The following TTBK2 variants were observed in gnomAD, a reference collection of about 807,000 sequenced individuals.
TTBK2 encodes the protein tau-tubulin kinase 2.
A neutral mutation model predicts 110.8 loss-of-function variants in TTBK2; 28 were observed. That is an observed-to-expected ratio of 0.25 (90% CI 0.19 to 0.35). The LOEUF is 0.35. Ranked by LOEUF, TTBK2 falls within the 10% of genes least tolerant of loss-of-function variation. The probability of loss-of-function intolerance (pLI) is 1.00; values close to 1 mark genes in which losing one functional copy is unlikely to be tolerated. For missense variants in TTBK2, 1,369 were observed against 1,500.3 expected, an observed-to-expected ratio of 0.91 and a Z score of 1.45; for synonymous variants, 532 against 527.3, an observed-to-expected ratio of 1.01 and a Z score of -0.12.
intron 10 of TTBK2, among the ~76,000 whole-genome samples, chr15:42,788,273 C>A (rs1224155767): frequency 6.6e-6 from 1 of 152,130 alleles, no homozygotes; most frequent in Non-Finnish European, 1.5e-5. Flanking sequence ...AATACTTCTA[C>A]TTTATGGAAC....
At chr15:42,812,884 C>T (rs1426236980) in intron 7 of TTBK2, among the ~76,000 whole-genome samples, 1 of 149,146 alleles carries the variant, frequency 6.7e-6, no homozygotes, top group African/African-American at 2.5e-5. Flanking sequence ...CCAAACACAG[C>T]AGAAAAAAAT....
At chr15:42,859,555 C>G (rs1316325220) in intron 3 of TTBK2, among the ~76,000 whole-genome samples, 1 of 152,138 alleles carries the variant, frequency 6.6e-6, no homozygotes, top group African/African-American at 2.4e-5. Context: ...TATAGGCACA[C>G]TAAAAAACTG....
Position 42,752,711 on chromosome 15 carries a change from C to A in TTBK2, c.2535G>T (p.Lys845Asn), listed in dbSNP as rs369689860. Residue 845 changes from lysine (K) to asparagine (N), a missense_variant, in exon 14 of 15, where the codon AAG becomes AAT. Physicochemically the swap from Lys to Asn is moderately conservative, Grantham distance 94. This residue lies in a region of TTBK2 where 1,097 missense variants were observed against 1,114.7 expected (regional missense o/e 0.98). Transcript: ENST00000267890. Reference sequence around the variant, plus strand: ...TTTCTGAAGTTCCAACTGTCAGAAGCTTCATTATCTCATTATTTTTGTCTT... The same window carrying A: ...TTTCTGAAGTTCCAACTGTCAGAAGATTCATTATCTCATTATTTTTGTCTT... ...PNQDKNNEIM[K>N]LLTVGTSEIS... The A allele has an allele frequency of 1.9e-6, 3 of 1,613,852 alleles. No homozygotes were observed. In the African/African-American group the frequency reaches 4.0e-5, roughly 22 times the overall value.
intron 3 of TTBK2, among the ~76,000 whole-genome samples, chr15:42,869,759 T>C (rs970826222): frequency 2.0e-5 from 3 of 152,166 alleles, no homozygotes; most frequent in Admixed American, 6.5e-5. Context: ...GCTATACTTA[T>C]TAGGAATACT....
At chr15:42,851,285 A>T (rs1203101403) in intron 3 of TTBK2, among the ~76,000 whole-genome samples, 1 of 151,522 alleles carries the variant, frequency 6.6e-6, no homozygotes, top group Non-Finnish European at 1.5e-5. Flanking sequence ...AACTGAAAAT[A>T]GTTCAGGATG....
At chr15:42,798,527 C>T (rs947508255) in intron 9 of TTBK2, among the ~76,000 whole-genome samples, 1 of 152,168 alleles carries the variant, frequency 6.6e-6, no homozygotes, top group African/African-American at 2.4e-5. Flanking sequence ...AGTCATTTGA[C>T]AATGTGGCAC....
At chr15:42,898,716 A>G (rs1233480518) in intron 1 of TTBK2, among the ~76,000 whole-genome samples, 1 of 152,202 alleles carries the variant, frequency 6.6e-6, no homozygotes, top group African/African-American at 2.4e-5. Context: ...TGGGCAGTGA[A>G]AAAGTTAAAT....
At chr15:42,898,953 C>T (rs1895774988) in intron 1 of TTBK2, among the ~76,000 whole-genome samples, 1 of 152,128 alleles carries the variant, frequency 6.6e-6, no homozygotes, top group Non-Finnish European at 1.5e-5. Context: ...TGTTAAAACT[C>T]TAATAATAAA....
intron 9 of TTBK2, among the ~76,000 whole-genome samples, chr15:42,800,065 C>T (rs1463476588): frequency 6.6e-6 from 1 of 151,836 alleles, no homozygotes; most frequent in Non-Finnish European, 1.5e-5. Context: ...CACCACTGCA[C>T]TCCAGCCTGG....
At chr15:42,838,845 T>A (rs1004655114) in intron 4 of TTBK2, among the ~76,000 whole-genome samples, 8 of 152,048 alleles carry the variant, frequency 5.3e-5, no homozygotes, top group Non-Finnish European at 1.2e-4. Flanking sequence ...AACAGAGTTA[T>A]GTTACTGATG....
intron 7 of TTBK2, among the ~76,000 whole-genome samples, chr15:42,815,913 A>AATATATATATATTTAAAAATAT (rs1891935119): frequency 9.9e-6 from 1 of 100,808 alleles, no homozygotes; most frequent in Non-Finnish European, 1.7e-5. Context: ...TATATTTAAA[A>AATATATATATATTTAAAAATAT]ATATATATAT....
Position 42,775,358 on chromosome 15 carries a change from G to A in TTBK2, c.1775C>T (p.Ser592Leu). The change falls in exon 13 of 15, where the codon TCA becomes TTA. Residue 592 changes from serine to leucine, a missense_variant. Ser to Leu is a moderately radical substitution (Grantham distance 145, BLOSUM62 -2). Around this residue, in one of 4 missense-constraint regions of TTBK2, gnomAD observed 1,097 missense variants for 1,114.7 expected, o/e 0.98. Coordinates refer to ENST00000267890, the MANE Select transcript of TTBK2 (RefSeq NM_173500.4). ...TAACTGGAGCTTTTCATCTTGAGGT[G>A]ATGCCTCCAGGACTTGAAGTACTTC... ...EPEVLQVLEASPQDEKLQLGP... is the reference protein window; with the variant it reads ...EPEVLQVLEALPQDEKLQLGP... 6 of 1,614,206 alleles carry A rather than the reference G, an allele frequency of 3.7e-6. No individual in the cohort carries two copies. Among genetic ancestry groups the A allele is most frequent in the Non-Finnish European group, 5.1e-6 (6 of 1,180,038 alleles).
chr15:42,823,970 CT>C (rs1339635288), intron 6 of TTBK2, among the ~76,000 whole-genome samples: 1 of 152,114 alleles, frequency 6.6e-6, no homozygotes, highest in Non-Finnish European at 1.5e-5. Flanking sequence ...GGGCTTCAGG[CT>C]GCTTCCATTC....
intron 3 of TTBK2, among the ~76,000 whole-genome samples, chr15:42,852,981 C>T (rs969487243): frequency 4.6e-5 from 7 of 152,178 alleles, no homozygotes; most frequent in Non-Finnish European, 1.0e-4. Flanking sequence ...CACAAAAGGT[C>T]CCTGTGGAGC....
intron 9 of TTBK2, among the ~76,000 whole-genome samples, chr15:42,796,656 T>G (rs566993774): frequency 3.3e-5 from 5 of 152,206 alleles, no homozygotes; most frequent in African/African-American, 9.6e-5. Flanking sequence ...CAGTTGTAAA[T>G]GTATAGTTAT....
chr15:42,890,463 T>C (rs993635156), intron 1 of TTBK2, among the ~76,000 whole-genome samples: 2 of 152,206 alleles, frequency 1.3e-5, no homozygotes, highest in African/African-American at 4.8e-5. Flanking sequence ...TTCACCTGTA[T>C]CCTCATTTAT....
At chr15:42,802,474 A>AC in intron 9 of TTBK2, 4 of 632,004 alleles carry the variant, frequency 6.3e-6, no homozygotes, top group Non-Finnish European at 8.7e-6. Flanking sequence ...CTTGGTCTGC[A>AC]CACAGTCTTT....
chr15:42,771,329 T>C (rs553118822), intron 13 of TTBK2, among the ~76,000 whole-genome samples: 1 of 152,242 alleles, frequency 6.6e-6, no homozygotes, highest in East Asian at 1.9e-4. Context: ...AAAAAAAAAT[T>C]AGTTGAGAAA....
intron 3 of TTBK2, among the ~76,000 whole-genome samples, chr15:42,867,800 C>T (rs903644358): frequency 2.0e-5 from 3 of 152,176 alleles, no homozygotes; most frequent in Non-Finnish European, 4.4e-5. Flanking sequence ...TAAACATACT[C>T]TTATTATCAA....
Sources: gnomAD v4.1 joint callset for allele counts (sites outside exome capture counted in the v4.1 genomes callset) on GRCh38, gnomAD v4.1.1 for gene constraint, gnomAD v4.1.1 regional missense constraint, MANE v1.5 for transcripts, NCBI Gene and HGNC (gene_info 2026-07-23, HGNC 2026-07-21) for gene names.